The following IL1RAPL2 variants were observed in gnomAD, a reference collection of about 807,000 sequenced individuals.
IL1RAPL2 encodes interleukin 1 receptor accessory protein like 2, also known as X-linked interleukin-1 receptor accessory protein-like 2.
In IL1RAPL2, 3 loss-of-function variants were observed where a neutral mutation model predicts 44.1. The observed-to-expected ratio is 0.07, with a 90% CI of 0.03 to 0.18. The LOEUF is 0.18. Ranked by LOEUF, IL1RAPL2 falls within the 10% of genes least tolerant of loss-of-function variation. IL1RAPL2 has a pLI of 1.00. For synonymous variants in IL1RAPL2, 181 were observed against 178.8 expected, an observed-to-expected ratio of 1.01 and a Z score of -0.10; for missense variants, 391 against 496.4, an observed-to-expected ratio of 0.79 and a Z score of 2.02.
chrX:105,110,283 A>T (rs972363609), intron 2 of IL1RAPL2, among the ~76,000 whole-genome samples: 5 of 112,326 alleles, frequency 4.5e-5, no homozygotes, highest in Non-Finnish European at 9.4e-5. Flanking sequence ...ACCCTTTGGG[A>T]GGCAACTTGT....
At chrX:105,310,326 T>G (rs1283624527) in intron 5 of IL1RAPL2, among the ~76,000 whole-genome samples, 1 of 111,644 alleles carries the variant, frequency 9.0e-6, no homozygotes, top group African/African-American at 3.2e-5. Context: ...TTTCTGGTAT[T>G]GGTAATTTGT....
chrX:104,806,799 C>T (rs1413246446), intron 2 of IL1RAPL2, among the ~76,000 whole-genome samples: 3 of 111,691 alleles, frequency 2.7e-5, no homozygotes, highest in Non-Finnish European at 5.6e-5. Flanking sequence ...TCGAGAACAG[C>T]AAAGAAGTTG....
chrX:105,314,219 T>TTAAACCAC (rs931060049), intron 5 of IL1RAPL2, among the ~76,000 whole-genome samples: 1 of 111,215 alleles, frequency 9.0e-6, no homozygotes, highest in African/African-American at 3.3e-5. Context: ...ATGTTATCTC[T>TTAAACCAC]TAAACCACTG....
chrX:104,938,101 G>A (rs1219505928), intron 2 of IL1RAPL2, among the ~76,000 whole-genome samples: 1 of 112,321 alleles, frequency 8.9e-6, no homozygotes, highest in African/African-American at 3.2e-5. Flanking sequence ...GGTTTAAACA[G>A]TAAGCCAGTA....
chrX:104,761,830 T>TCTC (rs1394019296), intron 2 of IL1RAPL2, among the ~76,000 whole-genome samples: 1 of 72,522 alleles, frequency 1.4e-5, no homozygotes, highest in Non-Finnish European at 2.5e-5. Flanking sequence ...TCCTTCTCCT[T>TCTC]CTTCTCCTTC....
At chrX:104,911,161 T>G (rs1460901259) in intron 2 of IL1RAPL2, among the ~76,000 whole-genome samples, 1 of 111,569 alleles carries the variant, frequency 9.0e-6, no homozygotes, top group Non-Finnish European at 1.9e-5. Flanking sequence ...CAACCTCCCA[T>G]CTCCCGCCCA....
At chrX:104,984,425 G>C (rs2030522209) in intron 2 of IL1RAPL2, among the ~76,000 whole-genome samples, 1 of 111,721 alleles carries the variant, frequency 9.0e-6, no homozygotes, top group Admixed American at 9.6e-5. Context: ...GGCCACTAAA[G>C]TAGAAAGAAA....
At chrX:104,879,955 T>C (rs898814937) in intron 2 of IL1RAPL2, among the ~76,000 whole-genome samples, 2 of 111,425 alleles carry the variant, frequency 1.8e-5, no homozygotes, top group Non-Finnish European at 3.8e-5. Flanking sequence ...GATGGCCAAC[T>C]TGACAATTAA....
At chrX:105,416,918 G>A (rs2035737251) in intron 5 of IL1RAPL2, among the ~76,000 whole-genome samples, 1 of 112,029 alleles carries the variant, frequency 8.9e-6, no homozygotes, top group Non-Finnish European at 1.9e-5. Context: ...TGTTTCCTTC[G>A]GGTCCCACAC....
At chrX:104,971,468 A>G (rs2030235198) in intron 2 of IL1RAPL2, among the ~76,000 whole-genome samples, 1 of 111,925 alleles carries the variant, frequency 8.9e-6, no homozygotes, top group South Asian at 3.8e-4. Context: ...ATATCTATGT[A>G]ACCAGGTAGC....
intron 3 of IL1RAPL2, among the ~76,000 whole-genome samples, chrX:105,215,337 C>T (rs972811054): frequency 5.4e-5 from 6 of 111,896 alleles, no homozygotes; most frequent in South Asian, 7.4e-4. Context: ...AACACCTCTA[C>T]GCAAATAAAC....
chrX:105,085,591 C>T (rs928512548), intron 2 of IL1RAPL2, among the ~76,000 whole-genome samples: 1 of 111,950 alleles, frequency 8.9e-6, no homozygotes, highest in Non-Finnish European at 1.9e-5. Flanking sequence ...GTAAGCACAG[C>T]CATTATGGAA....
chrX:105,139,148 TATCTC>T (rs760865311), intron 2 of IL1RAPL2, among the ~76,000 whole-genome samples: 8 of 111,956 alleles, frequency 7.1e-5, no homozygotes, highest in African/African-American at 9.7e-5. Flanking sequence ...TCACATGTAT[TATCTC>T]ATCTAATCAG....
intron 4 of IL1RAPL2, among the ~76,000 whole-genome samples, chrX:105,257,412 G>A (rs1353689353): frequency 8.9e-6 from 1 of 111,921 alleles, no homozygotes; most frequent in Non-Finnish European, 1.9e-5. Context: ...TATATATTCT[G>A]TTGTTTTCAG....
At chrX:105,680,965 T>C (rs781191455) in intron 6 of IL1RAPL2, among the ~76,000 whole-genome samples, 5 of 111,911 alleles carry the variant, frequency 4.5e-5, no homozygotes, top group African/African-American at 1.6e-4. Context: ...GATAGCCACG[T>C]AGAAATGTGA....
intron 6 of IL1RAPL2, among the ~76,000 whole-genome samples, chrX:105,527,361 A>C (rs755553962): frequency 9.0e-6 from 1 of 110,614 alleles, no homozygotes; most frequent in African/African-American, 3.3e-5. Context: ...CCAGTTGTGG[A>C]TCATAAGTCA....
At chrX:105,422,414 TC>T (rs2035779908) in intron 5 of IL1RAPL2, among the ~76,000 whole-genome samples, 1 of 112,059 alleles carries the variant, frequency 8.9e-6, no homozygotes. Flanking sequence ...CAAGTTTGAT[TC>T]CTTAAAGGAA....
At chrX:105,711,350 G>A (rs1358859976) in intron 6 of IL1RAPL2, among the ~76,000 whole-genome samples, 1 of 111,145 alleles carries the variant, frequency 9.0e-6, no homozygotes. Context: ...GTGCAAGTCA[G>A]AGAGATGAAA....
At chrX:104,939,525 G>T (rs754864641) in intron 2 of IL1RAPL2, among the ~76,000 whole-genome samples, 1 of 111,664 alleles carries the variant, frequency 9.0e-6, no homozygotes, top group African/African-American at 3.3e-5. Context: ...TTATAAGAAA[G>T]AGGTGAAAAA....
Sources: allele counts gnomAD v4.1 joint callset (sites outside exome capture counted in the v4.1 genomes callset), GRCh38; gene constraint gnomAD v4.1.1; transcripts MANE v1.5; gene names NCBI Gene and HGNC (gene_info 2026-07-23, HGNC 2026-07-21).